The following TMC1 variants were observed in gnomAD, a reference collection of about 807,000 sequenced individuals.
TMC1 encodes the protein transmembrane channel like 1, also known as transmembrane channel-like protein 1.
Under a neutral mutation model 105.8 loss-of-function variants are expected in TMC1, and 84 were observed. The ratio of observed to expected loss-of-function variants is 0.79; its 90% CI spans 0.67 to 0.95. TMC1 has a LOEUF of 0.95. TMC1 is among the 40% of genes least tolerant of loss of function. TMC1 has a pLI of 0.00. For missense variants in TMC1, 817 were observed against 914.1 expected, an observed-to-expected ratio of 0.89 and a Z score of 1.37; for synonymous variants, 315 against 311.5, an observed-to-expected ratio of 1.01 and a Z score of -0.12.
At chr9:72,656,318 A>C (rs1343600893) in intron 5 of TMC1, 1 of 196,802 alleles carries the variant, frequency 5.1e-6, no homozygotes, top group Non-Finnish European at 1.0e-5. Flanking sequence ...GAGGTGTTTC[A>C]TGTTTTAAAA....
chr9:72,650,883 G>GAGATATATATATAAAT (rs1825796763), intron 5 of TMC1, among the ~76,000 whole-genome samples: 7 of 98,408 alleles, frequency 7.1e-5, no homozygotes, highest in Non-Finnish European at 1.4e-4. Flanking sequence ...TATATATATA[G>GAGATATATATATAAAT]ATATATAGAT....
At chr9:72,754,320 C>T (rs1827637786) in intron 11 of TMC1, among the ~76,000 whole-genome samples, 2 of 152,128 alleles carry the variant, frequency 1.3e-5, no homozygotes, top group South Asian at 2.1e-4. Context: ...TGCAGACACC[C>T]ACAAATTACA....
At chr9:72,816,571 C>T (rs201336459) in intron 19 of TMC1, among the ~76,000 whole-genome samples, 4 of 152,058 alleles carry the variant, frequency 2.6e-5, no homozygotes, top group South Asian at 2.1e-4. Context: ...AAGGCCTTTC[C>T]GAGAGACCGA....
chr9:72,621,961 T>G (rs1377806047), intron 3 of TMC1, among the ~76,000 whole-genome samples: 1 of 152,210 alleles, frequency 6.6e-6, no homozygotes, highest in Non-Finnish European at 1.5e-5. Context: ...AATAAAAATT[T>G]GCAAGGTGGC....
intron 5 of TMC1, among the ~76,000 whole-genome samples, chr9:72,650,407 C>T (rs1001927967): frequency 6.6e-6 from 1 of 152,056 alleles, no homozygotes; most frequent in Non-Finnish European, 1.5e-5. Context: ...TTCAGTGATG[C>T]GTCACTGTGA....
chr9:72,650,667 C>A (rs568980053), intron 5 of TMC1, among the ~76,000 whole-genome samples: 19 of 151,598 alleles, frequency 1.3e-4, no homozygotes, highest in South Asian at 4.2e-4. Context: ...ATCCTCCCCC[C>A]TCACATAGAC....
At chr9:72,811,088 G>A (rs985556167) in intron 18 of TMC1, among the ~76,000 whole-genome samples, 1 of 152,088 alleles carries the variant, frequency 6.6e-6, no homozygotes, top group Non-Finnish European at 1.5e-5. Context: ...TTTAACATAT[G>A]AAAAATTGCA....
At chr9:72,623,486 T>C (rs951348682) in intron 3 of TMC1, among the ~76,000 whole-genome samples, 15 of 152,122 alleles carry the variant, frequency 9.9e-5, no homozygotes, top group Non-Finnish European at 1.0e-4. Context: ...GACATTAATG[T>C]GTTTCTTGGT....
intron 12 of TMC1, among the ~76,000 whole-genome samples, chr9:72,762,699 G>A (rs1171096505): frequency 2.0e-5 from 3 of 152,140 alleles, no homozygotes; most frequent in Non-Finnish European, 4.4e-5. Context: ...CTTTGGAGGG[G>A]GTGAGGACCC....
At chr9:72,717,639 G>A (rs1044273863) in intron 8 of TMC1, among the ~76,000 whole-genome samples, 2 of 152,216 alleles carry the variant, frequency 1.3e-5, no homozygotes, top group African/African-American at 2.4e-5. Flanking sequence ...CCTCTAGCCT[G>A]TAGGGTTTCT....
intron 1 of TMC1, among the ~76,000 whole-genome samples, chr9:72,572,265 C>G (rs563444031): frequency 6.6e-6 from 1 of 151,834 alleles, no homozygotes; most frequent in Non-Finnish European, 1.5e-5. Context: ...GGCGTGATCT[C>G]GGCTCACTGC....
intron 18 of TMC1, among the ~76,000 whole-genome samples, chr9:72,813,453 G>C (rs1356720112): frequency 6.6e-6 from 1 of 152,066 alleles, no homozygotes; most frequent in African/African-American, 2.4e-5. Flanking sequence ...TTTCATAACT[G>C]GTTCTAATTT....
At chr9:72,794,831 T>C (rs756290174) in intron 17 of TMC1, among the ~76,000 whole-genome samples, 2 of 152,172 alleles carry the variant, frequency 1.3e-5, no homozygotes, top group Non-Finnish European at 2.9e-5. Flanking sequence ...ATGAAGATCA[T>C]TGAGATTCAG....
At chr9:72,607,980 AC>A (rs1293440293) in intron 2 of TMC1, 1 of 152,178 alleles carries the variant, frequency 6.6e-6, no homozygotes, top group Non-Finnish European at 1.5e-5. Context: ...TTGTGTGGTC[AC>A]TTCGGAGCAT....
rs780868794 is a variant in TMC1 at position 72,772,457 on chromosome 9, T to C, written c.786T>C (p.Asn262=). The change falls in exon 13 of 24, where the codon AAT becomes AAC. Residue 262 remains asparagine, a synonymous_variant. Coordinates refer to ENST00000297784, the MANE Select transcript of TMC1 (RefSeq NM_138691.3). ...YSVLFYGYYD[N]KRTIGWMNFR... ...TTCTCTTTTATGGCTATTATGACAA[T>C]AAACGAACAATTGGATGGATGAATT... is the stretch of plus-strand genomic sequence containing the variant. 28 of 1,613,818 alleles carry C rather than the reference T, an allele frequency of 1.7e-5. No homozygotes were observed. The highest frequency in any genetic ancestry group is 1.6e-4 in the Middle Eastern group (1 of 6,084).
intron 3 of TMC1, among the ~76,000 whole-genome samples, chr9:72,624,992 G>T (rs962561416): frequency 1.3e-5 from 2 of 152,194 alleles, no homozygotes; most frequent in African/African-American, 4.8e-5. Flanking sequence ...CTATTAAGTT[G>T]CTGTGGGCAT....
chr9:72,585,572 AAGAG>A, intron 2 of TMC1, among the ~76,000 whole-genome samples: 1 of 152,362 alleles, frequency 6.6e-6, no homozygotes. Flanking sequence ...TTTTCCCACA[AAGAG>A]AGGTCATGAG....
At chr9:72,645,637 CCA>C (rs1825698089) in intron 4 of TMC1, among the ~76,000 whole-genome samples, 1 of 152,200 alleles carries the variant, frequency 6.6e-6, no homozygotes, top group Admixed American at 6.5e-5. Flanking sequence ...CAAAGCCTCA[CCA>C]CAGAGTCCTT....
intron 17 of TMC1, among the ~76,000 whole-genome samples, chr9:72,798,700 G>A (rs1419292010): frequency 1.3e-5 from 2 of 152,044 alleles, no homozygotes; most frequent in Non-Finnish European, 2.9e-5. Flanking sequence ...GAGGGTGAGA[G>A]GAGGGAGAAG....
Sources: gnomAD v4.1 joint callset for allele counts (sites outside exome capture counted in the v4.1 genomes callset) on GRCh38, gnomAD v4.1.1 for gene constraint, MANE v1.5 for transcripts, NCBI Gene and HGNC (gene_info 2026-07-23, HGNC 2026-07-21) for gene names.